The following FBXL7 variants were observed in gnomAD, a reference collection of about 807,000 sequenced individuals.
FBXL7 encodes F-box and leucine rich repeat protein 7, also known as F-box/LRR-repeat protein 7.
Under a neutral mutation model 38.3 loss-of-function variants are expected in FBXL7, and 12 were observed. That is an observed-to-expected ratio of 0.31 (90% CI 0.20 to 0.51). The LOEUF (loss-of-function observed/expected upper bound fraction) is 0.51, where lower values mean the gene tolerates loss of function less well. Ranked by LOEUF, FBXL7 falls within the 20% of genes least tolerant of loss-of-function variation. The pLI is 0.98. For synonymous variants in FBXL7, 297 were observed against 300.9 expected, an observed-to-expected ratio of 0.99 and a Z score of 0.13; for missense variants, 567 against 676.4, an observed-to-expected ratio of 0.84 and a Z score of 1.79.
Position 15,732,460 on chromosome 5 carries a change from C to A in FBXL7, c.127+116388C>A, listed in dbSNP as rs1346077103. The stretch of plus-strand genomic sequence containing the variant: ...ATGGCTTTCAGTGTTCTTTTTTTTC[C>A]CTCTCTTTTATTTATATTGTCATTT... On this transcript the variant is annotated intron_variant, in intron 2 of 3. Coordinates refer to ENST00000504595, the MANE Select transcript of FBXL7 (RefSeq NM_012304.5). Among the ~76,000 whole-genome samples the A allele has an allele frequency of 1.3e-5, 2 of 151,720 alleles. 1 individual carries two copies. Among genetic ancestry groups the A allele is most frequent in the South Asian group, 4.2e-4 (2 of 4,808 alleles).
At chr5:15,551,569 G>C (rs1738072157) in intron 1 of FBXL7, among the ~76,000 whole-genome samples, 1 of 152,196 alleles carries the variant, frequency 6.6e-6, no homozygotes. Flanking sequence ...TGGCAGCATG[G>C]AGATGGACAC....
At chr5:15,802,895 C>T (rs902666392) in intron 2 of FBXL7, among the ~76,000 whole-genome samples, 4 of 152,172 alleles carry the variant, frequency 2.6e-5, no homozygotes, top group East Asian at 1.9e-4. Context: ...TCAGGTGATC[C>T]GCCTGCCTCA....
chr5:15,533,262 T>C (rs1232415338), intron 1 of FBXL7, among the ~76,000 whole-genome samples: 1 of 152,220 alleles, frequency 6.6e-6, no homozygotes. Context: ...GTACTGTGGC[T>C]GTTCCATAAA....
intron 2 of FBXL7, among the ~76,000 whole-genome samples, chr5:15,845,902 G>A (rs544714956): frequency 5.9e-5 from 9 of 152,324 alleles, no homozygotes; most frequent in Admixed American, 5.2e-4. Flanking sequence ...ACCCCAGGAG[G>A]CGGAGCTTGC....
intron 2 of FBXL7, among the ~76,000 whole-genome samples, chr5:15,711,940 G>A (rs138595773): frequency 9.4e-4 from 143 of 152,076 alleles, no homozygotes; most frequent in Non-Finnish European, 1.5e-3. Context: ...TTGAGCAGAC[G>A]AACCATATTA....
chr5:15,699,762 AG>A (rs1743464511), intron 2 of FBXL7, among the ~76,000 whole-genome samples: 1 of 152,172 alleles, frequency 6.6e-6, no homozygotes, highest in Non-Finnish European at 1.5e-5. Flanking sequence ...CTCAGTAGGT[AG>A]GAGATTGTGC....
chr5:15,713,733 T>G (rs1743953343), intron 2 of FBXL7, among the ~76,000 whole-genome samples: 1 of 152,180 alleles, frequency 6.6e-6, no homozygotes, highest in Non-Finnish European at 1.5e-5. Context: ...ATACAAGAAA[T>G]TAACATTTCT....
chr5:15,593,893 A>G (rs1160952576), intron 1 of FBXL7, among the ~76,000 whole-genome samples: 1 of 152,208 alleles, frequency 6.6e-6, no homozygotes, highest in Non-Finnish European at 1.5e-5. Context: ...TTCATATTCA[A>G]TACCAACCTT....
chr5:15,731,445 C>A (rs1251156014), intron 2 of FBXL7, among the ~76,000 whole-genome samples: 1 of 152,106 alleles, frequency 6.6e-6, no homozygotes, highest in Non-Finnish European at 1.5e-5. Context: ...TGGGAAAGAC[C>A]GCCCCCCATG....
chr5:15,598,930 G>C (rs1739707976), intron 1 of FBXL7, among the ~76,000 whole-genome samples: 1 of 152,120 alleles, frequency 6.6e-6, no homozygotes, highest in Non-Finnish European at 1.5e-5. Context: ...ATTCAGAATT[G>C]AGGGCAATTG....
In FBXL7 at chr5:15,628,234, A is replaced by T. The variant is rs144863649; in HGVS notation, c.127+12162A>T. Among the ~76,000 whole-genome samples, 110 of 152,290 alleles carry T rather than the reference A, an allele frequency of 7.2e-4. 2 individuals are homozygous for T. The highest frequency in any genetic ancestry group is 2.5e-3 in the African/African-American group (105 of 41,572). ...CATTTATTCTTCTAAATAGTGAGACATGTTTGGTTATGTGAATATTCAGAT... is the reference window on the plus strand; with the variant it reads ...CATTTATTCTTCTAAATAGTGAGACTTGTTTGGTTATGTGAATATTCAGAT... On this transcript the variant is annotated intron_variant, in intron 2 of 3. Transcript: ENST00000504595.
At chr5:15,551,214 G>C (rs2126422133) in intron 1 of FBXL7, among the ~76,000 whole-genome samples, 1 of 152,208 alleles carries the variant, frequency 6.6e-6, no homozygotes, top group East Asian at 1.9e-4. Context: ...TGTGCCCATG[G>C]GTTTGTGTTC....
chr5:15,809,873 T>C (rs2126751517), intron 2 of FBXL7, among the ~76,000 whole-genome samples: 1 of 152,344 alleles, frequency 6.6e-6, no homozygotes, highest in South Asian at 2.1e-4. Context: ...AGAGTTATGA[T>C]ATTTTATCAG....
At chr5:15,852,564 A>G (rs1339841650) in intron 2 of FBXL7, among the ~76,000 whole-genome samples, 3 of 152,168 alleles carry the variant, frequency 2.0e-5, no homozygotes, top group Non-Finnish European at 4.4e-5. Context: ...GAAAACTATA[A>G]TAGAATACCG....
chr5:15,602,461 C>G (rs980438890), intron 1 of FBXL7: 2 of 152,018 alleles, frequency 1.3e-5, no homozygotes, highest in Non-Finnish European at 2.9e-5. Flanking sequence ...TCTCTTATTT[C>G]AACACATTTA....
chr5:15,685,607 G>A (rs966149296), intron 2 of FBXL7, among the ~76,000 whole-genome samples: 2 of 152,220 alleles, frequency 1.3e-5, no homozygotes, highest in African/African-American at 4.8e-5. Flanking sequence ...AGGCTGCAGA[G>A]AAAAGTGTAG....
intron 2 of FBXL7, among the ~76,000 whole-genome samples, chr5:15,886,210 G>GGTGTGTGTGTGTGTGT (rs140069204): frequency 1.3e-5 from 2 of 149,986 alleles, no homozygotes; most frequent in African/African-American, 4.9e-5. Context: ...ATAATTTTGA[G>GGTGTGTGTGTGTGTGT]GTGTGTGTGT....
chr5:15,794,558 G>A (rs1055923577), intron 2 of FBXL7, among the ~76,000 whole-genome samples: 21 of 152,278 alleles, frequency 1.4e-4, no homozygotes, highest in East Asian at 5.8e-4. Flanking sequence ...ACAGGAAGAC[G>A]TGTTTTAAAA....
intron 2 of FBXL7, among the ~76,000 whole-genome samples, chr5:15,881,317 G>A (rs991404796): frequency 6.6e-6 from 1 of 152,154 alleles, no homozygotes; most frequent in Non-Finnish European, 1.5e-5. Context: ...TAGAATAATA[G>A]GCTCCAGTAC....
Sources: gnomAD v4.1 joint callset for allele counts (sites outside exome capture counted in the v4.1 genomes callset) on GRCh38, gnomAD v4.1.1 for gene constraint, MANE v1.5 for transcripts, NCBI Gene and HGNC (gene_info 2026-07-23, HGNC 2026-07-21) for gene names.